VXN: variants seen among roughly 807,000 people sequenced by gnomAD.
The protein encoded by VXN is uncharacterized protein C8orf46.
In VXN, 7 loss-of-function variants were observed where a neutral mutation model predicts 23.1. The ratio of observed to expected loss-of-function variants is 0.30; its 90% CI spans 0.17 to 0.57. VXN has a LOEUF of 0.57. Among genes scored for constraint, VXN ranks in the 20% least tolerant of loss-of-function variants. The pLI is 0.91. For missense variants in VXN, 238 were observed against 272.6 expected (o/e 0.87, Z 0.89); for synonymous variants, 120 against 105.8 (o/e 1.13, Z -0.83).
intron 2 of VXN, 102 bp from the exon 3 acceptor site, chr8:66,505,273 C>T (rs1293402656): frequency 6.9e-7 from 1 of 1,446,040 alleles, no homozygotes; most frequent in African/African-American, 1.4e-5. Context: ...TCCAGAAACT[C>T]CCTCGATGCG....
chr8:66,496,073 C>T (rs548059643), intron 1 of VXN, among the ~76,000 whole-genome samples: 12 of 152,232 alleles, frequency 7.9e-5, no homozygotes, highest in East Asian at 1.9e-4. Flanking sequence ...ATTTTGTGTC[C>T]GGCTTATTTC....
At chr8:66,515,866 C>A in intron 5 of VXN, 27 bp from the exon 6 acceptor site, 1 of 1,530,566 alleles carries the variant, frequency 6.5e-7, no homozygotes, top group Non-Finnish European at 8.8e-7. Flanking sequence ...AGACCACCCT[C>A]CCCACCCACT....
In VXN at chr8:66,515,972, A is replaced by C; in HGVS notation, c.520A>C (p.Ser174Arg). The C allele has an allele frequency of 6.2e-7, 1 of 1,614,006 alleles. No individual in the cohort carries two copies. The part of the protein sequence containing the change: ...GAEASLPLTG[S>R]ASCGVPGILR... ...AGAAGCCTCTCTACCACTGACAGGC[A>C]GTGCTTCCTGCGGCGTCCCCGGCAT... Residue 174 changes from serine (S) to arginine (R), a missense_variant, in exon 6 of 6, where the codon AGT becomes CGT. Ser to Arg is a moderately radical substitution (Grantham distance 110). Transcript: ENST00000305454.
At position 66,518,323 on chromosome 8, in the gene VXN, A is replaced by C. The variant is rs1807919468; in HGVS notation, c.*2247A>C. The C allele has an allele frequency of 6.6e-6, 1 of 152,174 alleles. No individual in the cohort carries two copies. Among genetic ancestry groups the C allele is most frequent in the East Asian group, 1.9e-4 (1 of 5,192 alleles). 9.4% of individuals were successfully genotyped at this position (152,174 alleles called of 1,614,324 possible). A position where few individuals can be genotyped will look rare whatever the true frequency, so the allele number is the denominator to read the frequency against. On this transcript the variant is annotated 3_prime_UTR_variant, in exon 6 of 6. Transcript: ENST00000305454. ...ATGCCACCACACCTAGCTCCTTACA[A>C]CCATTTATTTTAACTTATTTCATTT...
At chr8:66,498,500 C>G (rs1418322939) in intron 2 of VXN, among the ~76,000 whole-genome samples, 1 of 152,070 alleles carries the variant, frequency 6.6e-6, no homozygotes, top group African/African-American at 2.4e-5. Context: ...TTATACAATA[C>G]AGTAGTCCCC....
rs200594422 is a variant in VXN, at chr8:66,505,541, C to G, written c.280+13C>G. ...TCTGCCAGACCCGGTACGTGAGTCC[C>G]GGCCCCAGCTCCCCGCACCTCCCTG... On this transcript the variant is annotated intron_variant, in intron 3 of 5. Coordinates refer to ENST00000305454, the MANE Select transcript of VXN (RefSeq NM_152765.4). The G allele has an allele frequency of 1.1e-5, 16 of 1,476,718 alleles. No homozygotes were observed. The East Asian group carries it at 3.6e-4, about 33-fold the overall frequency. The allele number at this position is 1,476,718 out of a possible 1,614,324, so 91.5% of individuals were successfully genotyped here.
chr8:66,516,127 G>C lies in VXN; in HGVS notation c.*51G>C. 6.7e-7 allele frequency: 1 copy of C among 1,495,626 alleles called. No homozygotes were observed. Among genetic ancestry groups the C allele is most frequent in the Non-Finnish European group, 8.9e-7 (1 of 1,123,844 alleles). The allele number at this position is 1,495,626 out of a possible 1,614,324, so 92.6% of individuals were successfully genotyped here. On this transcript the variant is annotated 3_prime_UTR_variant, in exon 6 of 6. Transcript: ENST00000305454. ...GTTGGCCAAGGTTCCCCGGACAAGA[G>C]GAAAAACCTTCAGGATTGAAACTGA...
intron 3 of VXN, among the ~76,000 whole-genome samples, chr8:66,506,734 T>A (rs930682210): frequency 7.9e-5 from 12 of 152,328 alleles, no homozygotes; most frequent in African/African-American, 2.9e-4. Flanking sequence ...TTTCTTTGAT[T>A]GCTAAGAACC....
chr8:66,503,671 C>A (rs1210040110), intron 2 of VXN: 1 of 152,288 alleles, frequency 6.6e-6, no homozygotes, highest in East Asian at 1.9e-4. Context: ...ATACCACCAT[C>A]CTAATTCTCT....
chr8:66,506,704 G>T (rs1807763380), intron 3 of VXN, among the ~76,000 whole-genome samples: 1 of 152,116 alleles, frequency 6.6e-6, no homozygotes, highest in Non-Finnish European at 1.5e-5. Context: ...ATTTGTAGAT[G>T]CTAGACCAGG....
intron 2 of VXN, among the ~76,000 whole-genome samples, chr8:66,504,177 T>A (rs1022555786): frequency 6.6e-6 from 1 of 152,100 alleles, no homozygotes; most frequent in Admixed American, 6.6e-5. Flanking sequence ...GAGGTGGTGG[T>A]TCTTGTTCCT....
chr8:66,516,889 G>C lies in VXN; in HGVS notation c.*813G>C, dbSNP rs780206510. ...TCAGAGATTACAGGACCAGATACCA[G>C]GTAGTGGAACCAGACAGCAGGTCCT... On this transcript the variant is annotated 3_prime_UTR_variant, in exon 6 of 6. Transcript: ENST00000305454. 7.9e-5 allele frequency: 12 copies of C among 152,218 alleles called. No homozygotes were observed. The highest frequency in any genetic ancestry group is 1.5e-4 in the Non-Finnish European group (10 of 68,038). 9.4% of individuals were successfully genotyped at this position (152,218 alleles called of 1,614,324 possible).
chr8:66,512,547 C>T (rs1296374723), intron 4 of VXN, among the ~76,000 whole-genome samples: 1 of 152,162 alleles, frequency 6.6e-6, no homozygotes, highest in Non-Finnish European at 1.5e-5. Flanking sequence ...GGACTTAGCC[C>T]TGTTTAGGCC....
chr8:66,505,847 C>T (rs1225014500), intron 3 of VXN, among the ~76,000 whole-genome samples: 1 of 152,120 alleles, frequency 6.6e-6, no homozygotes, highest in East Asian at 1.9e-4. Flanking sequence ...GTTACCTAGG[C>T]TGGAGTGCAG....
chr8:66,500,498 T>C (rs1045716298), intron 2 of VXN, among the ~76,000 whole-genome samples: 1 of 152,242 alleles, frequency 6.6e-6, no homozygotes, highest in African/African-American at 2.4e-5. Flanking sequence ...TTCTTACTCA[T>C]GACTTTTGCC....
chr8:66,495,174 T>A (rs1028824826), intron 1 of VXN, among the ~76,000 whole-genome samples: 1 of 152,096 alleles, frequency 6.6e-6, no homozygotes, highest in African/African-American at 2.4e-5. Context: ...GAAGGAGAAT[T>A]AGGGAAGGGT....
chr8:66,510,380 T>A, intron 4 of VXN: 1 of 504,702 alleles, frequency 2.0e-6, no homozygotes, highest in Non-Finnish European at 3.5e-6. Flanking sequence ...TTGTGAGAAA[T>A]TCCGCTCTTA....
At chr8:66,512,058 T>C (rs1586522373) in intron 4 of VXN, among the ~76,000 whole-genome samples, 1 of 123,108 alleles carries the variant, frequency 8.1e-6, no homozygotes. Context: ...AGAGTGAAAC[T>C]CAGTTTCAAA....
At chr8:66,497,136 G>A (rs1389289945) in intron 2 of VXN, among the ~76,000 whole-genome samples, 1 of 152,110 alleles carries the variant, frequency 6.6e-6, no homozygotes, top group Non-Finnish European at 1.5e-5. Context: ...ATCTGCCTTG[G>A]CCTTCCAAAG....
Sources: allele counts gnomAD v4.1 joint callset (sites outside exome capture counted in the v4.1 genomes callset), GRCh38; gene constraint gnomAD v4.1.1; transcripts MANE v1.5; gene names NCBI Gene and HGNC (gene_info 2026-07-23, HGNC 2026-07-21).